ZNF83: variants seen among roughly 807,000 people sequenced by gnomAD.
The protein encoded by ZNF83 is zinc finger protein 83.
For synonymous variants in ZNF83, 209 were observed against 213.0 expected (o/e 0.98, Z 0.17); for missense variants, 552 against 629.9 (o/e 0.88, Z 1.32).
At chr19:52,643,059 TAGG>T (rs2061328440), upstream of ZNF83, among the ~76,000 whole-genome samples, 2 of 151,938 alleles carry the variant, frequency 1.3e-5, no homozygotes, top group Non-Finnish European at 1.5e-5. Context: ...GAGACTGAGG[TAGG>T]AGAATCGCTT....
intron 1 of ZNF83, among the ~76,000 whole-genome samples, chr19:52,676,303 A>C (rs1207675934): frequency 2.0e-5 from 3 of 152,088 alleles, no homozygotes; most frequent in East Asian, 1.9e-4. Context: ...CCCAGGCTGG[A>C]GTGCAGTGGC....
intron 3 of ZNF83, chr19:52,654,258 G>A: frequency 1.9e-6 from 3 of 1,560,588 alleles, no homozygotes; most frequent in Non-Finnish European, 2.6e-6. Context: ...GAAACTCAAA[G>A]TCATGAATAT....
chr19:52,656,864 C>CAAAAAAAAA (rs112522632), intron 2 of ZNF83, among the ~76,000 whole-genome samples: 3 of 136,546 alleles, frequency 2.2e-5, no homozygotes, highest in Non-Finnish European at 3.3e-5. Flanking sequence ...GACTCCGTCT[C>CAAAAAAAAA]AAAAAAAAAA....
chr19:52,682,683 GAAAAA>G (rs2061941353), intron 1 of ZNF83, among the ~76,000 whole-genome samples: 3 of 9,518 alleles, frequency 3.2e-4, no homozygotes, highest in African/African-American at 3.1e-3. Flanking sequence ...ACAAGAAAAA[GAAAAA>G]GAAAAAGAAA....
At chr19:52,681,896 G>C (rs544872355) in intron 1 of ZNF83, among the ~76,000 whole-genome samples, 11 of 152,276 alleles carry the variant, frequency 7.2e-5, no homozygotes, top group Admixed American at 2.6e-4. Context: ...CAACCAGCCT[G>C]AAGTGCAGTG....
intron 1 of ZNF83, among the ~76,000 whole-genome samples, chr19:52,671,606 C>T (rs944129676): frequency 6.6e-6 from 1 of 152,086 alleles, no homozygotes; most frequent in African/African-American, 2.4e-5. Context: ...CCAAGCCTGG[C>T]TAATTTGTTA....
intron 1 of ZNF83, among the ~76,000 whole-genome samples, chr19:52,686,713 C>T (rs7259122): frequency 0.7 from 105,836 of 151,822 alleles, 38,325 homozygotes; most frequent in African/African-American, 0.91. Flanking sequence ...GCTGGAACTA[C>T]AGGTGCACGC....
chr19:52,646,743 C>A (rs2061377446), intron 3 of ZNF83, among the ~76,000 whole-genome samples: 1 of 152,106 alleles, frequency 6.6e-6, no homozygotes, highest in African/African-American at 2.4e-5. Context: ...AAAACAAATT[C>A]CTTTACTGTC....
intron 1 of ZNF83, among the ~76,000 whole-genome samples, chr19:52,681,365 C>T (rs995618741): frequency 6.6e-6 from 1 of 150,594 alleles, no homozygotes; most frequent in African/African-American, 2.4e-5. Context: ...TATTCATTAC[C>T]TAGATGAGCT....
At chr19:52,646,009 G>A (rs1055373616) in intron 3 of ZNF83, among the ~76,000 whole-genome samples, 2 of 151,872 alleles carry the variant, frequency 1.3e-5, no homozygotes, top group Non-Finnish European at 2.9e-5. Flanking sequence ...GCATGATTTC[G>A]GCTCACTGCA....
intron 3 of ZNF83, among the ~76,000 whole-genome samples, chr19:52,648,417 C>G (rs2061401350): frequency 6.6e-6 from 1 of 151,938 alleles, no homozygotes; most frequent in South Asian, 2.1e-4. Context: ...GTAATGGGCT[C>G]TAGACACTTT....
At chr19:52,686,186 T>C (rs1483792479) in intron 1 of ZNF83, among the ~76,000 whole-genome samples, 1 of 152,064 alleles carries the variant, frequency 6.6e-6, no homozygotes, top group Non-Finnish European at 1.5e-5. Flanking sequence ...ACCAAAGTTT[T>C]CCAATAAATA....
At chr19:52,641,642 G>T (rs534727113), upstream of ZNF83, among the ~76,000 whole-genome samples, 2 of 151,934 alleles carry the variant, frequency 1.3e-5, no homozygotes, top group African/African-American at 4.8e-5. Flanking sequence ...GTGCAATGGC[G>T]GCATCTCGAT....
At chr19:52,640,659 A>G (rs1167400508), upstream of ZNF83, among the ~76,000 whole-genome samples, 2 of 152,082 alleles carry the variant, frequency 1.3e-5, no homozygotes. Context: ...CTCTGCAACC[A>G]GCGCCCCAGT....
upstream of ZNF83, among the ~76,000 whole-genome samples, chr19:52,639,716 C>T (rs1368680407): frequency 6.6e-6 from 1 of 151,694 alleles, no homozygotes; most frequent in Admixed American, 6.6e-5. Context: ...CACTTCCTGG[C>T]CCAAAAAATA....
intron 3 of ZNF83, among the ~76,000 whole-genome samples, chr19:52,649,980 G>C (rs2061421931): frequency 6.6e-6 from 1 of 151,860 alleles, no homozygotes; most frequent in Non-Finnish European, 1.5e-5. Flanking sequence ...GAGACAGGGG[G>C]GCCACAGAAC....
At chr19:52,678,790 A>G (rs537078390) in intron 1 of ZNF83, among the ~76,000 whole-genome samples, 6 of 152,198 alleles carry the variant, frequency 3.9e-5, no homozygotes, top group African/African-American at 1.2e-4. Flanking sequence ...CCTGGCCAAC[A>G]TAGTGAAAAC....
At position 52,688,222 on chromosome 19, in the gene ZNF83, G is replaced by A. The variant is rs529445507; in HGVS notation, c.-283+2221C>T. ...GTCTCACTCTGTTGACCAGGCTGCA[G>A]TGCAGTGGCATGATCTTGGCTCACT... On this transcript the variant is annotated intron_variant, in intron 1 of 5. Transcript: ENST00000594682. Among the ~76,000 whole-genome samples, 197 of 152,192 alleles carry A rather than the reference G, an allele frequency of 1.3e-3. 1 individual carries two copies. Among genetic ancestry groups the A allele is most frequent in the Middle Eastern group, 3.4e-3 (1 of 294 alleles).
At chr19:52,620,270 C>CTCTGTGTGTGTGTGTGTGTGTGTG (rs1555780636) in intron 2 of ZNF83, among the ~76,000 whole-genome samples, 8 of 144,522 alleles carry the variant, frequency 5.5e-5, no homozygotes, top group African/African-American at 1.8e-4. Flanking sequence ...GTGTATATCT[C>CTCTGTGTGTGTGTGTGTGTGTGTG]TGTGTGTGTG....
Sources: allele counts gnomAD v4.1 joint callset (sites outside exome capture counted in the v4.1 genomes callset), GRCh38; gene constraint gnomAD v4.1.1; transcripts MANE v1.5; gene names NCBI Gene and HGNC (gene_info 2026-07-23, HGNC 2026-07-21).